TEKT3: variants seen among roughly 807,000 people sequenced by gnomAD.
TEKT3 encodes tektin 3.
TEKT3 carries 49 observed loss-of-function variants against 49.8 expected under a neutral mutation model. That is an observed-to-expected ratio of 0.98 (90% CI 0.78 to 1.25). The LOEUF (loss-of-function observed/expected upper bound fraction) is 1.25, where lower values mean the gene tolerates loss of function less well. Ranked by LOEUF, TEKT3 falls within the 50% of genes most tolerant of loss-of-function variation. The probability of loss-of-function intolerance (pLI) is 0.00; values close to 1 mark genes in which losing one functional copy is unlikely to be tolerated. For synonymous variants in TEKT3, 225 were observed against 237.2 expected (o/e 0.95, Z 0.47); for missense variants, 595 against 629.5 (o/e 0.95, Z 0.59).
chr17:15,318,204 T>G (rs1391567346), intron 5 of TEKT3, among the ~76,000 whole-genome samples: 4 of 151,718 alleles, frequency 2.6e-5, no homozygotes, highest in Non-Finnish European at 4.4e-5. Flanking sequence ...TTAGCCAGGA[T>G]GGTCTCGATC....
chr17:15,307,124 C>G (rs150484319), intron 8 of TEKT3: 1 of 152,192 alleles, frequency 6.6e-6, no homozygotes, highest in Non-Finnish European at 1.5e-5. Context: ...AGACAACATG[C>G]GTGCTATACA....
intron 2 of TEKT3, among the ~76,000 whole-genome samples, chr17:15,335,784 G>A (rs1415767491): frequency 6.6e-6 from 1 of 152,148 alleles, no homozygotes; most frequent in Non-Finnish European, 1.5e-5. Flanking sequence ...ACATTGAGAA[G>A]ACAGAAATGG....
chr17:15,309,162 A>G (rs1049760718), intron 7 of TEKT3, among the ~76,000 whole-genome samples: 1 of 152,146 alleles, frequency 6.6e-6, no homozygotes, highest in Non-Finnish European at 1.5e-5. Flanking sequence ...GCTGCCCCCA[A>G]TGGCCGTTGT....
chr17:15,342,495 G>A (rs1219926778), upstream of TEKT3, among the ~76,000 whole-genome samples: 2 of 152,176 alleles, frequency 1.3e-5, no homozygotes, highest in South Asian at 2.1e-4. Context: ...CAAGGACGAG[G>A]CGGAGGGACT....
At chr17:15,321,144 G>A (rs1283148250) in intron 4 of TEKT3, among the ~76,000 whole-genome samples, 1 of 151,630 alleles carries the variant, frequency 6.6e-6, no homozygotes, top group Admixed American at 6.6e-5. Context: ...TGAGTAGCTG[G>A]GACTACAGGC....
chr17:15,327,344 C>G (rs1911534543), intron 4 of TEKT3, among the ~76,000 whole-genome samples: 1 of 151,900 alleles, frequency 6.6e-6, no homozygotes, highest in South Asian at 2.1e-4. Flanking sequence ...GGCGAAATCC[C>G]ATCTCTACTA....
In TEKT3 at chr17:15,331,357, C is replaced by A. The variant is rs764040370; in HGVS notation, c.229G>T (p.Glu77Ter). Residue 77 changes from glutamate (E) to a stop codon, truncating the protein, a stop_gained, in exon 3 of 9, where the codon GAG (glutamate) becomes TAG (stop). Coordinates refer to ENST00000395930, the MANE Select transcript of TEKT3 (RefSeq NM_031898.3). LOFTEE classifies it high-confidence loss of function. ...GAAACAAAGGGAAGCATGGTATTCT[C>A]GGACACCCTCTGTGATCTGGTGCAG... ...PYCTRSQRVS[E>*]NTMLPFVSNR... 6.2e-7 allele frequency: 1 copy of A among 1,614,180 alleles called. No homozygotes were observed. Among genetic ancestry groups the A allele is most frequent in the Non-Finnish European group, 8.5e-7 (1 of 1,180,044 alleles).
chr17:15,318,981 G>T, intron 5 of TEKT3, 96 bp downstream of exon 5: 3 of 952,736 alleles, frequency 3.1e-6, no homozygotes, highest in South Asian at 1.7e-5. Flanking sequence ...GCCTGTGTGT[G>T]TGTCCTTATA....
rs773051703 is a variant in TEKT3 at position 15,312,280 on chromosome 17, CTTA to C, written c.1077_1079del (p.Asn359del). On this transcript the variant is annotated inframe_deletion, in exon 7 of 9. Coordinates refer to ENST00000395930, the MANE Select transcript of TEKT3 (RefSeq NM_031898.3). ...TTACCTTTGCTAAGTGCGTCTGAAT[CTTA>C]TTCTTAGCATCTGCAGTCTCAGCAA... 28 of 1,614,188 alleles carry C rather than the reference CTTA, an allele frequency of 1.7e-5. No individual in the cohort carries two copies. In the African/African-American group the frequency reaches 3.2e-4, roughly 18 times the overall value.
intron 2 of TEKT3, among the ~76,000 whole-genome samples, chr17:15,336,911 CA>C (rs1462337177): frequency 5.3e-5 from 8 of 152,238 alleles, no homozygotes; most frequent in Admixed American, 2.0e-4. Flanking sequence ...GCCTTTCTCA[CA>C]AATTTACAAT....
intron 2 of TEKT3, among the ~76,000 whole-genome samples, chr17:15,334,803 G>A (rs1911916818): frequency 1.3e-5 from 2 of 152,184 alleles, no homozygotes; most frequent in African/African-American, 4.8e-5. Context: ...CTGAATAAAA[G>A]ACATCACGTG....
chr17:15,308,735 C>A lies in TEKT3; in HGVS notation c.1185G>T (p.Val395=). The part of the protein sequence containing the change: ...AIKDKTAFLK[V]AQTRLDERTR... ...TGCGCTCATCCAGTCTGGTCTGAGC[C>A]ACCTTCAGGAAGGCAGTCTTGTCCT... Residue 395 remains valine (V), a synonymous_variant, in exon 8 of 9, where the codon GTG becomes GTT. Transcript: ENST00000395930. The A allele has an allele frequency of 6.2e-7, 1 of 1,613,956 alleles. No homozygotes were observed.
intron 5 of TEKT3, among the ~76,000 whole-genome samples, chr17:15,315,177 C>T (rs889543895): frequency 9.9e-5 from 15 of 152,046 alleles, no homozygotes; most frequent in South Asian, 6.2e-4. Flanking sequence ...TTGTGTGGTT[C>T]GAAGAACAAT....
At chr17:15,311,820 A>C (rs1910782591) in intron 7 of TEKT3, among the ~76,000 whole-genome samples, 1 of 152,064 alleles carries the variant, frequency 6.6e-6, no homozygotes, top group South Asian at 2.1e-4. Context: ...AGCACTTAAA[A>C]TTTTTCAATA....
At chr17:15,312,512 T>A (rs769827156) in intron 6 of TEKT3, 31 bp from the exon 7 acceptor site, 1 of 1,594,544 alleles carries the variant, frequency 6.3e-7, no homozygotes, top group South Asian at 1.1e-5. Flanking sequence ...CAGACAACAG[T>A]GAGAGTGATG....
intron 3 of TEKT3, 144 bp downstream of exon 3, chr17:15,330,863 T>TG: frequency 2.4e-6 from 2 of 843,310 alleles, no homozygotes; most frequent in Non-Finnish European, 3.6e-6. Flanking sequence ...GTTTTGCCAT[T>TG]GCTGAAAACA....
intron 4 of TEKT3, among the ~76,000 whole-genome samples, chr17:15,326,155 G>A (rs1033875666): frequency 6.6e-6 from 1 of 152,180 alleles, no homozygotes; most frequent in Non-Finnish European, 1.5e-5. Flanking sequence ...TGATGTTAAA[G>A]CAGGGTGTTG....
Position 15,304,642 on chromosome 17 carries a change from TGG to T in TEKT3, c.1257-492_1257-491del, listed in dbSNP as rs1910469244. Among the ~76,000 whole-genome samples, 1 of 152,148 alleles carries T rather than the reference TGG, an allele frequency of 6.6e-6. No individual in the cohort carries two copies. The highest frequency in any genetic ancestry group is 1.5e-5 in the Non-Finnish European group (1 of 68,030). Reference sequence around the variant, plus strand: ...CGCTTCAGTGGCCATAATAAGAAACTGGGTCCCATTTCCTGGCCCCATTCCCC... The same window carrying T: ...CGCTTCAGTGGCCATAATAAGAAACTGTCCCATTTCCTGGCCCCATTCCCC... On this transcript the variant is annotated intron_variant, in intron 8 of 8. Coordinates refer to ENST00000395930, the MANE Select transcript of TEKT3 (RefSeq NM_031898.3). The surrounding 1 kb of genome is among the most constrained non-coding windows in gnomAD (Gnocchi z 4.7).
chr17:15,324,065 A>T (rs745996226), intron 4 of TEKT3, among the ~76,000 whole-genome samples: 1 of 152,194 alleles, frequency 6.6e-6, no homozygotes, highest in Non-Finnish European at 1.5e-5. Context: ...CAAAGAAATC[A>T]TGTGCCCATT....
Sources: allele counts gnomAD v4.1 joint callset (sites outside exome capture counted in the v4.1 genomes callset), GRCh38; gene constraint gnomAD v4.1.1; non-coding constraint Gnocchi (gnomAD v3.1); transcripts MANE v1.5; gene names NCBI Gene and HGNC (gene_info 2026-07-23, HGNC 2026-07-21).